The following ANKH variants were observed in gnomAD, a reference collection of about 807,000 sequenced individuals.
The protein encoded by ANKH is ANKH inorganic pyrophosphate transport regulator.
ANKH carries 15 observed loss-of-function variants against 49.0 expected under a neutral mutation model. The observed-to-expected ratio is 0.31, with a 90% CI of 0.20 to 0.47. The LOEUF (loss-of-function observed/expected upper bound fraction) is 0.47, where lower values mean the gene tolerates loss of function less well. Ranked by LOEUF, ANKH falls within the 20% of genes least tolerant of loss-of-function variation. The probability of loss-of-function intolerance (pLI) is 1.00; values close to 1 mark genes in which losing one functional copy is unlikely to be tolerated. For missense variants in ANKH, 429 were observed against 652.0 expected, an observed-to-expected ratio of 0.66 and a Z score of 3.72; for synonymous variants, 273 against 260.0, an observed-to-expected ratio of 1.05 and a Z score of -0.48.
chr5:14,715,257 G>C (rs555742083), intron 9 of ANKH, among the ~76,000 whole-genome samples: 1 of 152,290 alleles, frequency 6.6e-6, no homozygotes, highest in East Asian at 1.9e-4. Flanking sequence ...TTAGCCTCCT[G>C]AGTAGCTGGG....
chr5:14,855,034 C>T (rs752163203), intron 1 of ANKH, among the ~76,000 whole-genome samples: 3 of 152,204 alleles, frequency 2.0e-5, no homozygotes, highest in Non-Finnish European at 4.4e-5. Flanking sequence ...CTTCCCAGTC[C>T]GGGTTCACTT....
intron 1 of ANKH, among the ~76,000 whole-genome samples, chr5:14,830,902 C>G (rs570880320): frequency 2.7e-4 from 41 of 152,338 alleles, no homozygotes; most frequent in Middle Eastern, 3.4e-3. Context: ...AGGGTCACAG[C>G]CCAGGAAACC....
chr5:14,846,545 G>T (rs185698225), intron 1 of ANKH, among the ~76,000 whole-genome samples: 1 of 152,314 alleles, frequency 6.6e-6, no homozygotes, highest in African/African-American at 2.4e-5. Flanking sequence ...ATAAGCAATG[G>T]AATGGTTCAA....
intron 2 of ANKH, among the ~76,000 whole-genome samples, chr5:14,761,515 C>T (rs1739078866): frequency 1.3e-5 from 2 of 152,158 alleles, no homozygotes; most frequent in African/African-American, 4.8e-5. Context: ...TGAGTAAGGG[C>T]ATCCCCTTTA....
chr5:14,871,591 G>C lies in ANKH; in HGVS notation c.-144C>G. 1 of 249,850 alleles carries C rather than the reference G, an allele frequency of 4.0e-6. No homozygotes were observed. Among genetic ancestry groups the C allele is most frequent in the Non-Finnish European group, 6.6e-6 (1 of 152,080 alleles). The allele number at this position is 249,850 out of a possible 1,614,324, so 15.5% of individuals were successfully genotyped here. On this transcript the variant is annotated 5_prime_UTR_variant, in exon 1 of 12. Transcript: ENST00000284268. ...GCGGGGCCTCGGGCGCGGCGGCGGC[G>C]GCTCCTCCTCGCGGCTGCGGCGCCT...
intron 1 of ANKH, among the ~76,000 whole-genome samples, chr5:14,788,645 G>A (rs1373537476): frequency 1.3e-5 from 2 of 152,176 alleles, no homozygotes; most frequent in South Asian, 2.1e-4. Flanking sequence ...ACAAGTAGGA[G>A]GATGAACTCA....
intron 1 of ANKH, chr5:14,797,891 G>A: frequency 9.9e-6 from 16 of 1,612,158 alleles, no homozygotes; most frequent in Non-Finnish European, 1.4e-5. Flanking sequence ...GGAGACGCAA[G>A]TCTGGGTTGC....
chr5:14,871,477 A>G lies in ANKH; in HGVS notation c.-30T>C. 1 of 1,570,750 alleles carries G rather than the reference A, an allele frequency of 6.4e-7. No individual in the cohort carries two copies. Among genetic ancestry groups the G allele is most frequent in the Non-Finnish European group, 8.7e-7 (1 of 1,146,454 alleles). On this transcript the variant is annotated 5_prime_UTR_variant, in exon 1 of 12. It removes an upstream start codon present in the reference 5' UTR. Coordinates refer to ENST00000284268, the MANE Select transcript of ANKH (RefSeq NM_054027.6). ...CCCGCCGTGGGCTGACCCCACACAC[A>G]TCTGCTGCCGCGAGGGGACTCTGCG...
intron 11 of ANKH, 105 bp downstream of exon 11, chr5:14,712,769 C>T (rs954941082): frequency 4.5e-6 from 5 of 1,112,866 alleles, no homozygotes; most frequent in Admixed American, 4.0e-5. Context: ...CACCAAGGAT[C>T]CCCCACTGAC....
At chr5:14,814,192 T>C (rs992146619) in intron 1 of ANKH, among the ~76,000 whole-genome samples, 2 of 152,252 alleles carry the variant, frequency 1.3e-5, no homozygotes, top group South Asian at 2.1e-4. Flanking sequence ...CATTCCCACA[T>C]AGCTTTGTCG....
At chr5:14,798,032 A>G in intron 1 of ANKH, 2 of 1,581,426 alleles carry the variant, frequency 1.3e-6, no homozygotes, top group Non-Finnish European at 1.7e-6. Context: ...CTTTTCCTTC[A>G]TGGTTGATCT....
intron 5 of ANKH, among the ~76,000 whole-genome samples, chr5:14,749,624 T>C (rs1017895451): frequency 6.6e-6 from 1 of 152,224 alleles, no homozygotes; most frequent in Admixed American, 6.5e-5. Context: ...ATCTCGAGCC[T>C]GAGAAACAGG....
At chr5:14,781,944 A>G (rs1402477682) in intron 1 of ANKH, among the ~76,000 whole-genome samples, 1 of 152,168 alleles carries the variant, frequency 6.6e-6, no homozygotes, top group Non-Finnish European at 1.5e-5. Flanking sequence ...TCTGGAATAC[A>G]GGTTTACGTC....
At chr5:14,772,091 C>T (rs992841786) in intron 1 of ANKH, among the ~76,000 whole-genome samples, 6 of 151,984 alleles carry the variant, frequency 3.9e-5, no homozygotes, top group African/African-American at 1.4e-4. Context: ...TTTCATGTTA[C>T]ACTTCAAGTT....
chr5:14,755,782 T>G (rs1191644064), intron 4 of ANKH, 79 bp downstream of exon 4: 2 of 1,340,652 alleles, frequency 1.5e-6, no homozygotes, highest in Non-Finnish European at 2.1e-6. Context: ...GCACAGTGAA[T>G]GAATATAAAT....
At chr5:14,740,534 C>A (rs1738321458) in intron 8 of ANKH, among the ~76,000 whole-genome samples, 1 of 152,180 alleles carries the variant, frequency 6.6e-6, no homozygotes. Context: ...TCCACAGGGA[C>A]AGGCTGGCAA....
At chr5:14,785,403 C>A (rs1739940990) in intron 1 of ANKH, among the ~76,000 whole-genome samples, 1 of 152,112 alleles carries the variant, frequency 6.6e-6, no homozygotes, top group South Asian at 2.1e-4. Flanking sequence ...GTTTAAAAGT[C>A]TGGGACCTTC....
chr5:14,820,246 T>C, intron 1 of ANKH, among the ~76,000 whole-genome samples: 1 of 152,224 alleles, frequency 6.6e-6, no homozygotes, highest in East Asian at 1.9e-4. Context: ...TAGTGTTTTT[T>C]AGTTTCATGA....
intron 1 of ANKH, among the ~76,000 whole-genome samples, chr5:14,838,167 A>G (rs1289197647): frequency 1.3e-5 from 2 of 152,194 alleles, no homozygotes; most frequent in African/African-American, 4.8e-5. Flanking sequence ...AATGTAAGTG[A>G]TGAGTTAATG....
Sources: allele counts gnomAD v4.1 joint callset (sites outside exome capture counted in the v4.1 genomes callset), GRCh38; gene constraint gnomAD v4.1.1; transcripts MANE v1.5; gene names NCBI Gene and HGNC (gene_info 2026-07-23, HGNC 2026-07-21).